Variants in RALA observed in about 807,000 individuals in gnomAD.
RALA encodes RAS like proto-oncogene A.
RALA carries 5 observed loss-of-function variants against 24.0 expected under a neutral mutation model. That is an observed-to-expected ratio of 0.21 (90% CI 0.11 to 0.44). RALA has a LOEUF of 0.44. Among genes scored for constraint, RALA ranks in the 20% least tolerant of loss-of-function variants. RALA has a pLI of 0.99. For missense variants in RALA, 95 were observed against 241.2 expected, an observed-to-expected ratio of 0.39 and a Z score of 4.01; for synonymous variants, 77 against 83.8, an observed-to-expected ratio of 0.92 and a Z score of 0.44.
Position 39,674,397 on chromosome 7 carries a change from C to T in RALA, c.-37-12234C>T, listed in dbSNP as rs531776996. Among the ~76,000 whole-genome samples the T allele has an allele frequency of 3.9e-5, 6 of 152,290 alleles. No homozygotes were observed. In the South Asian group the frequency reaches 1.2e-3, roughly 32 times the overall value. Reference sequence around the variant, plus strand: ...TATTAATATCAGAAATTATGACTTACTAAGCCATTCTCGTATCTGGTTTGA... The same window carrying T: ...TATTAATATCAGAAATTATGACTTATTAAGCCATTCTCGTATCTGGTTTGA... On this transcript the variant is annotated intron_variant, in intron 1 of 4. Coordinates refer to ENST00000005257, the MANE Select transcript of RALA (RefSeq NM_005402.4).
intron 1 of RALA, among the ~76,000 whole-genome samples, chr7:39,671,847 A>G (rs1167916407): frequency 6.6e-6 from 1 of 152,198 alleles, no homozygotes; most frequent in Non-Finnish European, 1.5e-5. Flanking sequence ...TTATGTTTCA[A>G]AAGTAGAAAA....
chr7:39,649,712 C>T (rs539035101), intron 1 of RALA, among the ~76,000 whole-genome samples: 4 of 152,170 alleles, frequency 2.6e-5, no homozygotes, highest in Admixed American at 6.5e-5. Flanking sequence ...TGTTTTGTTA[C>T]AGCAACTCAA....
At chr7:39,648,486 C>T (rs1174602120) in intron 1 of RALA, among the ~76,000 whole-genome samples, 2 of 151,826 alleles carry the variant, frequency 1.3e-5, no homozygotes, top group Non-Finnish European at 1.5e-5. Context: ...ATGTGTCAGG[C>T]ACTATCTAAG....
At chr7:39,699,735 C>T (rs746762989) in intron 4 of RALA, among the ~76,000 whole-genome samples, 7 of 152,230 alleles carry the variant, frequency 4.6e-5, no homozygotes, top group Non-Finnish European at 1.0e-4. Context: ...TCTATGTACA[C>T]ATCATAAGGA....
At chr7:39,635,547 C>G (rs1037929642) in intron 1 of RALA, among the ~76,000 whole-genome samples, 3 of 152,168 alleles carry the variant, frequency 2.0e-5, no homozygotes, top group Admixed American at 1.3e-4. Context: ...TCTATTTTCT[C>G]TCTCTACAGC....
At chr7:39,659,395 CT>C (rs953171558) in intron 1 of RALA, among the ~76,000 whole-genome samples, 11 of 149,332 alleles carry the variant, frequency 7.4e-5, no homozygotes, top group Non-Finnish European at 8.9e-5. Flanking sequence ...ATTGTCAAGT[CT>C]TTTTTTTTTC....
intron 1 of RALA, among the ~76,000 whole-genome samples, chr7:39,672,944 G>T (rs547488056): frequency 6.6e-6 from 1 of 152,286 alleles, no homozygotes; most frequent in African/African-American, 2.4e-5. Context: ...ACTTAAAAGG[G>T]TGAATTTTAT....
At position 39,705,432 on chromosome 7, in the gene RALA, G is replaced by C. The variant is rs995493322; in HGVS notation, c.499-691G>C. 2.6e-5 allele frequency among the ~76,000 whole-genome samples: 4 copies of C among 152,152 alleles called. No individual in the cohort carries two copies. In the East Asian group the frequency reaches 5.8e-4, roughly 22 times the overall value. On this transcript the variant is annotated intron_variant, in intron 4 of 4. Transcript: ENST00000005257. ...CCGTTTATGTGGAGTAGGAGTGTGA[G>C]TGTGTAGCCTTCCAGACCCTTCTGT...
intron 1 of RALA, among the ~76,000 whole-genome samples, chr7:39,659,618 A>T (rs534798949): frequency 6.6e-6 from 1 of 152,318 alleles, no homozygotes; most frequent in East Asian, 1.9e-4. Context: ...TTTGAACAGC[A>T]TCTGTCTCCC....
At chr7:39,677,178 G>A (rs867741227) in intron 1 of RALA, among the ~76,000 whole-genome samples, 1 of 152,222 alleles carries the variant, frequency 6.6e-6, no homozygotes, top group Non-Finnish European at 1.5e-5. Context: ...AGCGAAAGAG[G>A]CAAGGAGCAC....
chr7:39,702,491 A>G (rs941116599), intron 4 of RALA, among the ~76,000 whole-genome samples: 2 of 152,228 alleles, frequency 1.3e-5, no homozygotes, highest in Non-Finnish European at 2.9e-5. Flanking sequence ...ATGTATCCAC[A>G]TTCTTTTTAA....
chr7:39,650,129 G>C (rs1791995840), intron 1 of RALA, among the ~76,000 whole-genome samples: 1 of 152,200 alleles, frequency 6.6e-6, no homozygotes, highest in Admixed American at 6.5e-5. Flanking sequence ...ATGGATGAAA[G>C]GGGGAGAATT....
chr7:39,646,038 A>G (rs554687071), intron 1 of RALA, among the ~76,000 whole-genome samples: 3 of 152,194 alleles, frequency 2.0e-5, no homozygotes, highest in Non-Finnish European at 4.4e-5. Context: ...GAGCTCTCAA[A>G]ATTATCTCTG....
intron 1 of RALA, among the ~76,000 whole-genome samples, chr7:39,645,858 G>T (rs925522015): frequency 6.6e-6 from 1 of 152,142 alleles, no homozygotes; most frequent in African/African-American, 2.4e-5. Context: ...TAGAGCAAGA[G>T]TATATTCCTA....
intron 1 of RALA, among the ~76,000 whole-genome samples, chr7:39,665,180 C>T (rs542874265): frequency 7.9e-5 from 12 of 152,166 alleles, no homozygotes; most frequent in African/African-American, 2.4e-4. Flanking sequence ...CCTCTGCTAC[C>T]CCTGAGACAG....
chr7:39,624,686 C>T (rs1791449680), intron 1 of RALA, among the ~76,000 whole-genome samples: 1 of 152,028 alleles, frequency 6.6e-6, no homozygotes, highest in Non-Finnish European at 1.5e-5. Flanking sequence ...CCAAGTGTGG[C>T]TGAGGTAGTG....
chr7:39,627,409 A>G (rs778884102), intron 1 of RALA, among the ~76,000 whole-genome samples: 3 of 152,200 alleles, frequency 2.0e-5, no homozygotes, highest in Non-Finnish European at 4.4e-5. Context: ...CTTCACAGCT[A>G]GGGTCCTATA....
chr7:39,705,955 A>AT (rs1314377858), intron 4 of RALA, among the ~76,000 whole-genome samples, 168 bp from the exon 5 acceptor site: 1 of 151,928 alleles, frequency 6.6e-6, no homozygotes, highest in Non-Finnish European at 1.5e-5. Context: ...TTTTTTCAAG[A>AT]TACTAGGAAA....
chr7:39,700,175 A>C (rs1420850220), intron 4 of RALA, among the ~76,000 whole-genome samples: 1 of 152,232 alleles, frequency 6.6e-6, no homozygotes, highest in Admixed American at 6.5e-5. Context: ...CTATGGCTGT[A>C]TAACAAAGTA....
Sources: allele counts gnomAD v4.1 joint callset (sites outside exome capture counted in the v4.1 genomes callset), GRCh38; gene constraint gnomAD v4.1.1; transcripts MANE v1.5; gene names NCBI Gene and HGNC (gene_info 2026-07-23, HGNC 2026-07-21).